MAP3K19: variants seen among roughly 807,000 people sequenced by gnomAD.
The protein encoded by MAP3K19 is SPS1/STE20-related protein kinase YSK4.
A neutral mutation model predicts 114.4 loss-of-function variants in MAP3K19; 91 were observed. That is an observed-to-expected ratio of 0.80 (90% CI 0.67 to 0.95). MAP3K19 has a LOEUF of 0.95. MAP3K19 is among the 40% of genes least tolerant of loss of function. The pLI is 0.00. For synonymous variants in MAP3K19, 518 were observed against 530.5 expected, an observed-to-expected ratio of 0.98 and a Z score of 0.32; for missense variants, 1,471 against 1,573.2, an observed-to-expected ratio of 0.94 and a Z score of 1.10.
chr2:134,988,296 TA>T, intron 9 of MAP3K19, 43 bp from the exon 10 acceptor site: 1 of 1,468,882 alleles, frequency 6.8e-7, no homozygotes, highest in Non-Finnish European at 9.1e-7. Flanking sequence ...GAAACATATA[TA>T]AATATCACGC....
At chr2:135,029,204 C>T (rs578249615) in intron 3 of MAP3K19, among the ~76,000 whole-genome samples, 134 of 152,150 alleles carry the variant, frequency 8.8e-4, no homozygotes, top group African/African-American at 3.0e-3. Flanking sequence ...AACCCCGTCT[C>T]TACTGAAAAT....
intron 8 of MAP3K19, among the ~76,000 whole-genome samples, chr2:134,992,099 C>T (rs950568073): frequency 1.3e-5 from 2 of 152,160 alleles, no homozygotes; most frequent in Non-Finnish European, 2.9e-5. Flanking sequence ...TGTTTTATTA[C>T]CCTAGAATAT....
chr2:135,003,194 C>G (rs1686574025), intron 6 of MAP3K19, among the ~76,000 whole-genome samples: 1 of 152,152 alleles, frequency 6.6e-6, no homozygotes. Context: ...TCTTGGACTT[C>G]CCATTCTTAA....
At chr2:135,042,514 AAAAAAG>A (rs1176965638) in intron 1 of MAP3K19, among the ~76,000 whole-genome samples, 27 of 147,070 alleles carry the variant, frequency 1.8e-4, no homozygotes, top group Middle Eastern at 3.6e-3. Flanking sequence ...AAAAAAAAAA[AAAAAAG>A]AAAAAAGAAA....
At chr2:135,004,472 G>A (rs933907613) in intron 6 of MAP3K19, among the ~76,000 whole-genome samples, 1 of 152,200 alleles carries the variant, frequency 6.6e-6, no homozygotes, top group African/African-American at 2.4e-5. Flanking sequence ...ACGCTACTCG[G>A]GAGAGCTGCA....
At chr2:135,042,738 T>C (rs756295124) in intron 1 of MAP3K19, among the ~76,000 whole-genome samples, 16 of 151,850 alleles carry the variant, frequency 1.1e-4, no homozygotes, top group East Asian at 3.9e-4. Context: ...TTTAGGAACA[T>C]TGGTACTTTA....
chr2:134,994,327 G>T (rs191140195), intron 8 of MAP3K19, among the ~76,000 whole-genome samples: 2 of 152,310 alleles, frequency 1.3e-5, no homozygotes, highest in East Asian at 3.9e-4. Flanking sequence ...GGAACTGAAG[G>T]TACCTCTGAA....
intron 12 of MAP3K19, among the ~76,000 whole-genome samples, chr2:134,979,443 CGT>C (rs59337402): frequency 0.13 from 18,587 of 146,500 alleles, 1,521 homozygotes; most frequent in East Asian, 0.3. Context: ...TAAAGTGCTT[CGT>C]GTGTGTGTGT....
chr2:135,039,036 T>C (rs1192586457), intron 2 of MAP3K19, among the ~76,000 whole-genome samples: 1 of 151,798 alleles, frequency 6.6e-6, no homozygotes, highest in Non-Finnish European at 1.5e-5. Flanking sequence ...GACAGGCATA[T>C]ACAGAGAGGG....
intron 12 of MAP3K19, among the ~76,000 whole-genome samples, chr2:134,968,189 TC>T (rs1232711454): frequency 1.3e-5 from 2 of 152,094 alleles, no homozygotes; most frequent in Non-Finnish European, 2.9e-5. Context: ...AGGTCACAGA[TC>T]AACAGCATCC....
intron 2 of MAP3K19, among the ~76,000 whole-genome samples, chr2:135,033,614 G>A (rs1688448442): frequency 1.2e-5 from 1 of 84,380 alleles, no homozygotes; most frequent in Non-Finnish European, 2.1e-5. Flanking sequence ...GCGGCTGGCC[G>A]GGCAGAGGGG....
At chr2:134,965,533 A>C (rs1475114295) in intron 12 of MAP3K19, among the ~76,000 whole-genome samples, 1 of 152,234 alleles carries the variant, frequency 6.6e-6, no homozygotes, top group East Asian at 1.9e-4. Flanking sequence ...CAATGAGCTA[A>C]TGAAATAGTC....
At chr2:135,006,635 C>T (rs1686832978) in intron 5 of MAP3K19, among the ~76,000 whole-genome samples, 1 of 151,208 alleles carries the variant, frequency 6.6e-6, no homozygotes. Context: ...CATGGCAAAA[C>T]CCTGTCTCTA....
At chr2:135,042,865 T>G (rs1688673449) in intron 1 of MAP3K19, among the ~76,000 whole-genome samples, 1 of 152,166 alleles carries the variant, frequency 6.6e-6, no homozygotes, top group African/African-American at 2.4e-5. Context: ...GGGGATCACC[T>G]GAGTTCGGGA....
chr2:134,967,828 C>A (rs1683479277), intron 12 of MAP3K19, among the ~76,000 whole-genome samples: 1 of 151,914 alleles, frequency 6.6e-6, no homozygotes, highest in African/African-American at 2.4e-5. Context: ...GTTGTTTCTC[C>A]ATACTTTGTC....
chr2:135,033,233 G>A (rs1324679735), intron 2 of MAP3K19, among the ~76,000 whole-genome samples: 5 of 108,608 alleles, frequency 4.6e-5, no homozygotes, highest in East Asian at 3.0e-4. Flanking sequence ...GCGGCTGGCC[G>A]GGCGGGGGGC....
chr2:135,014,891 T>C (rs1003041185), intron 5 of MAP3K19, among the ~76,000 whole-genome samples: 1 of 152,234 alleles, frequency 6.6e-6, no homozygotes, highest in African/African-American at 2.4e-5. Flanking sequence ...CTCATTCTCA[T>C]TTATGTGTAG....
rs1393192695 is a variant in MAP3K19, at chr2:135,023,590, C to A, written c.22+1036G>T. On this transcript the variant is annotated intron_variant, in intron 4 of 12. Coordinates refer to ENST00000392915, the MANE Select transcript of MAP3K19 (RefSeq NM_025052.5). ...GGCCTTAAAATTTAGTCATCTTTGACTCAAGTTTCTCAGCGGTTGTCTCTG... is the reference window on the plus strand; with the variant it reads ...GGCCTTAAAATTTAGTCATCTTTGAATCAAGTTTCTCAGCGGTTGTCTCTG... 3.5e-5 allele frequency: 18 copies of A among 519,934 alleles called. No homozygotes were observed. The Admixed American group carries it at 3.7e-4, about 11-fold the overall frequency. The allele number at this position is 519,934 out of a possible 1,614,324, so 32.2% of individuals were successfully genotyped here. A position where few individuals can be genotyped will look rare whatever the true frequency, so the allele number is the denominator to read the frequency against.
At chr2:135,039,119 CTTTCTTTTTTTT>C (rs1178777218) in intron 2 of MAP3K19, among the ~76,000 whole-genome samples, 1 of 98,946 alleles carries the variant, frequency 1.0e-5, no homozygotes, top group East Asian at 3.0e-4. Flanking sequence ...CATTAATTTT[CTTTCTTTTTTTT>C]TTTTTTTTTT....
Sources: gnomAD v4.1 joint callset for allele counts (sites outside exome capture counted in the v4.1 genomes callset) on GRCh38, gnomAD v4.1.1 for gene constraint, MANE v1.5 for transcripts, NCBI Gene and HGNC (gene_info 2026-07-23, HGNC 2026-07-21) for gene names.